Variants in EFR3A observed in about 807,000 individuals in gnomAD.
The protein encoded by EFR3A is EFR3 homolog A.
Under a neutral mutation model 104.4 loss-of-function variants are expected in EFR3A, and 76 were observed. The ratio of observed to expected loss-of-function variants is 0.73; its 90% CI spans 0.60 to 0.88. The LOEUF is 0.88. EFR3A is among the 40% of genes least tolerant of loss of function. The pLI is 0.00. For synonymous variants in EFR3A, 330 were observed against 330.0 expected, an observed-to-expected ratio of 1.00 and a Z score of 0.00; for missense variants, 985 against 1,012.5, an observed-to-expected ratio of 0.97 and a Z score of 0.37.
intron 8 of EFR3A, among the ~76,000 whole-genome samples, chr8:131,966,324 C>G (rs1383368630): frequency 1.3e-5 from 2 of 152,036 alleles, no homozygotes; most frequent in Non-Finnish European, 2.9e-5. Flanking sequence ...TTACGGTGAA[C>G]CTACCTCCTA....
intron 22 of EFR3A, among the ~76,000 whole-genome samples, chr8:132,007,808 T>C (rs1356354591): frequency 6.6e-6 from 1 of 152,060 alleles, no homozygotes; most frequent in East Asian, 1.9e-4. Context: ...ATCAAAAACT[T>C]AAGTGATTTT....
At chr8:131,961,816 C>T (rs1375086880) in intron 8 of EFR3A, among the ~76,000 whole-genome samples, 2 of 152,124 alleles carry the variant, frequency 1.3e-5, no homozygotes, top group Admixed American at 6.6e-5. Flanking sequence ...AGAGAAAGGT[C>T]GGGTTACCCA....
At chr8:131,909,372 C>A (rs1434195731) in intron 1 of EFR3A, among the ~76,000 whole-genome samples, 2 of 151,748 alleles carry the variant, frequency 1.3e-5, no homozygotes, top group African/African-American at 4.8e-5. Context: ...GCAACATAGA[C>A]CCCGCCTCTA....
rs1816123632 is a variant in EFR3A, at chr8:131,904,237, C to G, written c.-76C>G. The G allele has an allele frequency of 1.0e-5, 13 of 1,271,700 alleles. No homozygotes were observed. The East Asian group carries it at 4.1e-4, about 40-fold the overall frequency. 78.8% of individuals were successfully genotyped at this position (1,271,700 alleles called of 1,614,324 possible). A position where few individuals can be genotyped will look rare whatever the true frequency, so the allele number is the denominator to read the frequency against. ...TCCGGCCTCCGCGGCCCAGCAACGG[C>G]CGTCATGGTGCCGTCGGCGCTCCCT... On this transcript the variant is annotated 5_prime_UTR_variant, in exon 1 of 23. Coordinates refer to ENST00000254624, the MANE Select transcript of EFR3A (RefSeq NM_015137.6).
intron 1 of EFR3A, among the ~76,000 whole-genome samples, chr8:131,906,771 C>T (rs1315392792): frequency 6.6e-6 from 1 of 152,202 alleles, no homozygotes; most frequent in East Asian, 1.9e-4. Flanking sequence ...AGCCTGTAGT[C>T]TGAAACAATC....
At chr8:131,952,345 G>T (rs947265185) in intron 5 of EFR3A, among the ~76,000 whole-genome samples, 1 of 152,208 alleles carries the variant, frequency 6.6e-6, no homozygotes, top group Admixed American at 6.6e-5. Flanking sequence ...TTCGTTTTGG[G>T]GGGTCATGGC....
chr8:131,937,613 C>T (rs900323207), intron 1 of EFR3A, among the ~76,000 whole-genome samples: 15 of 152,126 alleles, frequency 9.9e-5, no homozygotes, highest in African/African-American at 3.6e-4. Context: ...TTTATTTTTA[C>T]TGATAATAGT....
chr8:131,941,069 G>C (rs536284806), intron 2 of EFR3A, among the ~76,000 whole-genome samples: 1 of 152,096 alleles, frequency 6.6e-6, no homozygotes, highest in African/African-American at 2.4e-5. Context: ...TTGGGTTGAG[G>C]AGAAGAAAGC....
Position 131,978,928 on chromosome 8 carries a change from A to T in EFR3A, c.1408A>T (p.Met470Leu). ...FLDPLLSPSL[M>L]EDYELRQLVL... ...GGATCCTTTGTTATCACCATCTCTC[A>T]TGGAGGACTACGAACTGAGACAGTT... Residue 470 changes from methionine to leucine, a missense_variant, in exon 13 of 23, where the codon ATG becomes TTG. By Grantham distance (15) the Met-to-Leu change is conservative. Coordinates refer to ENST00000254624, the MANE Select transcript of EFR3A (RefSeq NM_015137.6). 2 of 1,612,604 alleles carry T rather than the reference A, an allele frequency of 1.2e-6. No homozygotes were observed. The highest frequency in any genetic ancestry group is 1.1e-5 in the South Asian group (1 of 90,988).
In EFR3A at chr8:131,950,025, CT is replaced by C; in HGVS notation, c.429del (p.Phe143LeufsTer66). ...DTPSYHRRYD[F>X]FVSRFSAMCH... ...CACCATCCTATCACAGACGTTATGA[CT>C]TTTTTGTGTCTCGATTCAGTGCCAT... On this transcript the variant is annotated frameshift_variant, in exon 5 of 23. Transcript: ENST00000254624. LOFTEE classifies it high-confidence loss of function. 2 of 1,608,360 alleles carry C rather than the reference CT, an allele frequency of 1.2e-6. No individual in the cohort carries two copies. The highest frequency in any genetic ancestry group is 1.7e-6 in the Non-Finnish European group (2 of 1,177,746).
At position 131,968,418 on chromosome 8, in the gene EFR3A, A is replaced by T; in HGVS notation, c.979A>T (p.Lys327Ter). 1 of 1,613,520 alleles carries T rather than the reference A, an allele frequency of 6.2e-7. No homozygotes were observed. The highest frequency in any genetic ancestry group is 8.5e-7 in the Non-Finnish European group (1 of 1,179,558). ...GTTAGAGGCTGTTGCCATTGCTGCT[A>T]AAGGTTCCATAGGTGAGTGCCAATA... ...VLLEAVAIAA[K>*]GSIGPTVLEV... Residue 327 changes from lysine (K) to a stop codon, truncating the protein, a stop_gained, in exon 9 of 23, where the codon AAA becomes TAA. Coordinates refer to ENST00000254624, the MANE Select transcript of EFR3A (RefSeq NM_015137.6). LOFTEE classifies it high-confidence loss of function.
At chr8:131,978,703 C>A in intron 12 of EFR3A, 144 bp from the exon 13 acceptor site, 1 of 632,882 alleles carries the variant, frequency 1.6e-6, no homozygotes, top group Non-Finnish European at 2.5e-6. Context: ...TCCTTCATTA[C>A]TTTGCACATT....
intron 1 of EFR3A, among the ~76,000 whole-genome samples, chr8:131,936,552 G>GTC (rs974960528): frequency 5.9e-5 from 9 of 151,458 alleles, no homozygotes; most frequent in East Asian, 3.9e-4. Flanking sequence ...CTCTGTCTCT[G>GTC]TCTCTCTCTC....
intron 1 of EFR3A, among the ~76,000 whole-genome samples, chr8:131,925,838 A>G (rs1817268940): frequency 6.6e-6 from 1 of 152,150 alleles, no homozygotes; most frequent in Non-Finnish European, 1.5e-5. Context: ...CAGTTGTTAA[A>G]ATAATTATCC....
In EFR3A at chr8:132,009,671, G is replaced by A. The variant is rs528060362; in HGVS notation, c.2361-1119G>A. Among the ~76,000 whole-genome samples, 281 of 152,070 alleles carry A rather than the reference G, an allele frequency of 1.8e-3. 2 individuals are homozygous for A. The highest frequency in any genetic ancestry group is 6.6e-3 in the African/African-American group (272 of 41,506). ...ACTACTGACCAGCGAGGAAGGGTCG[G>A]GGGAAGTTTTCCACTTCACTTCTTT... On this transcript the variant is annotated intron_variant, in intron 22 of 22. Transcript: ENST00000254624.
Position 131,970,576 on chromosome 8 carries a change from C to T in EFR3A, c.1092C>T (p.Val364=), listed in dbSNP as rs761416540. 6.2e-7 allele frequency: 1 copy of T among 1,613,720 alleles called. No homozygotes were observed. The highest frequency in any genetic ancestry group is 8.5e-7 in the Non-Finnish European group (1 of 1,179,740). ...NDLQGGSVGS[V]NLNTSSKDND... ...TACAGGGGGGATCTGTAGGCAGTGT[C>T]AACTTAAATACAAGTTCCAAAGACA... is the stretch of plus-strand genomic sequence containing the variant. Residue 364 remains valine, a synonymous_variant, in exon 10 of 23, where the codon GTC becomes GTT. Coordinates refer to ENST00000254624, the MANE Select transcript of EFR3A (RefSeq NM_015137.6).
At chr8:131,922,526 A>C (rs1275544742) in intron 1 of EFR3A, among the ~76,000 whole-genome samples, 2 of 152,176 alleles carry the variant, frequency 1.3e-5, no homozygotes, top group Non-Finnish European at 2.9e-5. Context: ...AGGTTAATTC[A>C]ACCTTTACTG....
intron 1 of EFR3A, among the ~76,000 whole-genome samples, chr8:131,908,581 C>T (rs34025864): frequency 0.013 from 1,992 of 152,184 alleles, 11 homozygotes; most frequent in South Asian, 0.021. Flanking sequence ...CCCTATTTGA[C>T]CTGTTTTAGA....
intron 8 of EFR3A, among the ~76,000 whole-genome samples, chr8:131,960,575 A>G (rs1819260489): frequency 6.6e-6 from 1 of 152,188 alleles, no homozygotes; most frequent in Admixed American, 6.5e-5. Context: ...TTGTACAATT[A>G]AAACTTTGGA....
Sources: gnomAD v4.1 joint callset for allele counts (sites outside exome capture counted in the v4.1 genomes callset) on GRCh38, gnomAD v4.1.1 for gene constraint, MANE v1.5 for transcripts, NCBI Gene and HGNC (gene_info 2026-07-23, HGNC 2026-07-21) for gene names.